Variants in CCDC170 observed in about 807,000 individuals in gnomAD.
The protein encoded by CCDC170 is coiled-coil domain-containing protein 170.
A neutral mutation model predicts 72.6 loss-of-function variants in CCDC170; 69 were observed. The observed-to-expected ratio is 0.95, with a 90% confidence interval of 0.78 to 1.16. The LOEUF (loss-of-function observed/expected upper bound fraction) is 1.16, where lower values mean the gene tolerates loss of function less well. CCDC170 is among the 50% of genes most tolerant of loss of function. CCDC170 has a pLI of 0.00. For missense variants in CCDC170, 852 were observed against 832.5 expected (o/e 1.02, Z -0.29); for synonymous variants, 300 against 303.9 (o/e 0.99, Z 0.13).
chr6:151,530,885 C>G (rs1782482276), intron 1 of CCDC170, among the ~76,000 whole-genome samples: 1 of 152,012 alleles, frequency 6.6e-6, no homozygotes, highest in Non-Finnish European at 1.5e-5. Context: ...GTTAGTTCTT[C>G]TATAGATGTT....
chr6:151,620,785 A>G lies in CCDC170; in HGVS notation c.*2638A>G, dbSNP rs998792895. 2 of 146,278 alleles carry G rather than the reference A, an allele frequency of 1.4e-5. No individual in the cohort carries two copies. The allele number at this position is 146,278 out of a possible 1,614,324, so 9.1% of individuals were successfully genotyped here. On this transcript the variant is annotated 3_prime_UTR_variant, in exon 11 of 11. Transcript: ENST00000239374. ...TACGCTATTCAAAGATATTTTAAAT[A>G]ATATTTTAAAAACATGAAATTTTTT...
chr6:151,594,818 A>G (rs1416703521), intron 8 of CCDC170, among the ~76,000 whole-genome samples: 2 of 151,856 alleles, frequency 1.3e-5, no homozygotes, highest in African/African-American at 4.8e-5. Context: ...TGCCTGGCTA[A>G]TTTTGTATTT....
At chr6:151,607,640 T>C (rs896584951) in intron 9 of CCDC170, among the ~76,000 whole-genome samples, 8 of 152,078 alleles carry the variant, frequency 5.3e-5, no homozygotes, top group Admixed American at 1.3e-4. Context: ...ATTTTTTTTT[T>C]CCCTTTTAGC....
intron 6 of CCDC170, among the ~76,000 whole-genome samples, chr6:151,574,970 C>G (rs926267197): frequency 6.6e-6 from 1 of 152,102 alleles, no homozygotes; most frequent in Non-Finnish European, 1.5e-5. Flanking sequence ...GGGGTCCTAT[C>G]TAACAAATGG....
chr6:151,617,004 C>T (rs955982112), intron 10 of CCDC170, among the ~76,000 whole-genome samples: 5 of 152,180 alleles, frequency 3.3e-5, no homozygotes, highest in Admixed American at 3.3e-4. Flanking sequence ...TAGCTAAAAA[C>T]CATTCCCAAA....
chr6:151,571,562 T>C (rs527475926), intron 5 of CCDC170, among the ~76,000 whole-genome samples: 1 of 152,282 alleles, frequency 6.6e-6, no homozygotes, highest in African/African-American at 2.4e-5. Context: ...ACCCTGTCTC[T>C]ACTAAAAATA....
intron 5 of CCDC170, among the ~76,000 whole-genome samples, chr6:151,550,033 T>C (rs1010170376): frequency 6.6e-6 from 1 of 152,218 alleles, no homozygotes; most frequent in Non-Finnish European, 1.5e-5. Context: ...GACTGAATTG[T>C]AAACTTTTAT....
intron 1 of CCDC170, among the ~76,000 whole-genome samples, chr6:151,515,487 T>A (rs1782222150): frequency 6.6e-6 from 1 of 152,188 alleles, no homozygotes; most frequent in Non-Finnish European, 1.5e-5. Context: ...CTCACCATAT[T>A]GGCCAGTCTG....
intron 3 of CCDC170, among the ~76,000 whole-genome samples, chr6:151,539,681 G>C (rs1435273935): frequency 6.6e-6 from 1 of 152,110 alleles, no homozygotes; most frequent in Non-Finnish European, 1.5e-5. Context: ...CCACATTTCT[G>C]TGTCTAGCCT....
intron 1 of CCDC170, among the ~76,000 whole-genome samples, chr6:151,494,827 A>G (rs776637476): frequency 1.3e-5 from 2 of 152,162 alleles, no homozygotes; most frequent in Non-Finnish European, 2.9e-5. Context: ...ACACACACGA[A>G]CACGGGCATA....
intron 9 of CCDC170, among the ~76,000 whole-genome samples, chr6:151,614,655 A>T (rs1269064501): frequency 8.8e-5 from 13 of 147,738 alleles, no homozygotes; most frequent in African/African-American, 3.3e-4. Context: ...TTGTTAGTAG[A>T]GATGGTGTTT....
At chr6:151,538,845 T>G (rs1782634108) in intron 3 of CCDC170, among the ~76,000 whole-genome samples, 1 of 152,240 alleles carries the variant, frequency 6.6e-6, no homozygotes, top group Non-Finnish European at 1.5e-5. Flanking sequence ...ACGAATGAGT[T>G]AAATATCTTT....
chr6:151,565,287 G>A (rs1776114873), intron 5 of CCDC170, among the ~76,000 whole-genome samples: 1 of 152,184 alleles, frequency 6.6e-6, no homozygotes, highest in Non-Finnish European at 1.5e-5. Flanking sequence ...GACTCAGGGT[G>A]GTGTTTGGGA....
At chr6:151,499,357 C>A (rs111742613) in intron 1 of CCDC170, among the ~76,000 whole-genome samples, 6,819 of 86,412 alleles carry the variant, frequency 0.079, 551 homozygotes, top group East Asian at 0.25. Flanking sequence ...GTATTTGACT[C>A]TTCTAGGCAC....
intron 1 of CCDC170, among the ~76,000 whole-genome samples, chr6:151,519,902 A>T (rs1465202615): frequency 6.6e-6 from 1 of 152,216 alleles, no homozygotes; most frequent in Non-Finnish European, 1.5e-5. Context: ...ACCAGAGGTT[A>T]CTTTCATTGC....
intron 9 of CCDC170, among the ~76,000 whole-genome samples, chr6:151,599,015 C>T (rs73000072): frequency 0.049 from 7,388 of 152,096 alleles, 283 homozygotes; most frequent in Middle Eastern, 0.12. Flanking sequence ...TTGGACACTT[C>T]CAAAGAAGCT....
At chr6:151,583,994 T>C (rs546536129) in intron 6 of CCDC170, among the ~76,000 whole-genome samples, 1 of 152,266 alleles carries the variant, frequency 6.6e-6, no homozygotes. Context: ...CGATCACAGA[T>C]CACCATAACA....
chr6:151,494,356 A>G (rs568565689), intron 1 of CCDC170, among the ~76,000 whole-genome samples, 171 bp downstream of exon 1: 2 of 152,282 alleles, frequency 1.3e-5, no homozygotes, highest in East Asian at 1.9e-4. Context: ...CGCTGATTTC[A>G]GGAGGGGATG....
intron 6 of CCDC170, among the ~76,000 whole-genome samples, chr6:151,583,875 C>T (rs1248325339): frequency 1.3e-5 from 2 of 152,138 alleles, no homozygotes; most frequent in Non-Finnish European, 2.9e-5. Flanking sequence ...TGGGGTCAGC[C>T]AGTTAGTGGA....
Sources: allele counts gnomAD v4.1 joint callset (sites outside exome capture counted in the v4.1 genomes callset), GRCh38; gene constraint gnomAD v4.1.1; transcripts MANE v1.5; gene names NCBI Gene and HGNC (gene_info 2026-07-23, HGNC 2026-07-21).